Variants in TULP4 observed in about 807,000 individuals in gnomAD.
TULP4 encodes the protein TUB like protein 4.
A neutral mutation model predicts 129.0 loss-of-function variants in TULP4; 16 were observed. The observed-to-expected ratio is 0.12, with a 90% CI of 0.08 to 0.19. TULP4 has a LOEUF of 0.19. Ranked by LOEUF, TULP4 falls within the 10% of genes least tolerant of loss-of-function variation. The pLI, the probability that TULP4 is intolerant of heterozygous loss-of-function variation, is 1.00. For synonymous variants in TULP4, 998 were observed against 854.0 expected (o/e 1.17, Z -2.94); for missense variants, 1,842 against 2,059.1 (o/e 0.89, Z 2.04).
At chr6:158,429,439 C>A (rs1778578904) in intron 2 of TULP4, among the ~76,000 whole-genome samples, 2 of 152,094 alleles carry the variant, frequency 1.3e-5, no homozygotes, top group Admixed American at 1.3e-4. Flanking sequence ...TTACCCGGCC[C>A]CGACTAATTC....
At chr6:158,433,347 A>G (rs1778673524) in intron 3 of TULP4, among the ~76,000 whole-genome samples, 2 of 152,218 alleles carry the variant, frequency 1.3e-5, no homozygotes, top group Admixed American at 1.3e-4. Context: ...CATATTCTTT[A>G]CTCTGAACCA....
rs773751024 is a variant in TULP4, at chr6:158,502,883, C to T, written c.3220C>T (p.Pro1074Ser). The change falls in exon 13 of 14, where the codon CCC (proline) becomes TCC (serine). Residue 1074 changes from proline (P) to serine (S), a missense_variant. Pro to Ser is a moderately conservative substitution (Grantham distance 74). Coordinates refer to ENST00000367097, the MANE Select transcript of TULP4 (RefSeq NM_020245.5). ...GTCCTCCTACAGCCTCCTGAGCCCA[C>T]CCGACAGCGCCCGCGACCGCACCGA... ...SQSSYSLLSPPDSARDRTDYV... is the reference protein window; with the variant it reads ...SQSSYSLLSPSDSARDRTDYV... 5 of 1,613,834 alleles carry T rather than the reference C, an allele frequency of 3.1e-6. No homozygotes were observed. The Admixed American group carries it at 8.3e-5, about 27-fold the overall frequency.
chr6:158,335,458 A>AC lies in TULP4; in HGVS notation c.252+21190_252+21191insC, dbSNP rs1554281292. 1.3e-3 allele frequency among the ~76,000 whole-genome samples: 203 copies of AC among 152,102 alleles called. 4 individuals carry two copies. The highest frequency in any genetic ancestry group is 4.4e-3 in the African/African-American group (184 of 41,458). On this transcript the variant is annotated intron_variant, in intron 1 of 13. Coordinates refer to ENST00000367097, the MANE Select transcript of TULP4 (RefSeq NM_020245.5). ...TTTTGATCTTTTCCTCTTCATTCTT[A>AC]TGATTTTATGTTTTGAATATATAGA...
chr6:158,268,555 T>A (rs763356069), intron 1 of TULP4, among the ~76,000 whole-genome samples: 17 of 152,166 alleles, frequency 1.1e-4, no homozygotes, highest in Non-Finnish European at 2.1e-4. Context: ...AGTGGACTTG[T>A]TGTCTGGTGA....
chr6:158,241,161 G>A (rs1350935955), intron 1 of TULP4, among the ~76,000 whole-genome samples: 31 of 136,136 alleles, frequency 2.3e-4, no homozygotes, highest in Middle Eastern at 3.6e-3. Flanking sequence ...CGGCCGGGCA[G>A]AGACGCTCCT....
At chr6:158,404,401 T>C (rs541985514) in intron 1 of TULP4, among the ~76,000 whole-genome samples, 1 of 152,340 alleles carries the variant, frequency 6.6e-6, no homozygotes, top group Admixed American at 6.5e-5. Flanking sequence ...TGGTGTATGT[T>C]ACATTTTTTC....
chr6:158,272,334 T>C (rs1004433006), intron 1 of TULP4, among the ~76,000 whole-genome samples: 1 of 152,208 alleles, frequency 6.6e-6, no homozygotes, highest in African/African-American at 2.4e-5. Context: ...ATCTTATTAC[T>C]AGCCAAGAAT....
chr6:158,449,280 C>T (rs1215573666), intron 4 of TULP4, 104 bp downstream of exon 4: 26 of 1,218,508 alleles, frequency 2.1e-5, no homozygotes, highest in Non-Finnish European at 2.9e-5. Flanking sequence ...GGCCGCCACA[C>T]CTACGGCACC....
At chr6:158,491,734 G>A (rs1336841873) in intron 9 of TULP4, among the ~76,000 whole-genome samples, 1 of 151,734 alleles carries the variant, frequency 6.6e-6, no homozygotes, top group Non-Finnish European at 1.5e-5. Flanking sequence ...CTCATGATCC[G>A]CCTACCTCGG....
intron 1 of TULP4, among the ~76,000 whole-genome samples, chr6:158,251,661 A>C (rs1430270677): frequency 2.0e-5 from 3 of 152,198 alleles, no homozygotes; most frequent in Non-Finnish European, 4.4e-5. Flanking sequence ...GAGTCTCTCT[A>C]AAAATCCAGG....
intron 11 of TULP4, among the ~76,000 whole-genome samples, chr6:158,495,230 T>C (rs1372428462): frequency 6.6e-6 from 1 of 152,118 alleles, no homozygotes; most frequent in Non-Finnish European, 1.5e-5. Context: ...TTTTTGTATT[T>C]TTTGTAGAGA....
At chr6:158,305,238 C>T (rs1247502463) in intron 1 of TULP4, among the ~76,000 whole-genome samples, 2 of 151,876 alleles carry the variant, frequency 1.3e-5, no homozygotes, top group African/African-American at 2.4e-5. Flanking sequence ...TTTCACCTAG[C>T]ATAATGTCCT....
At chr6:158,244,469 G>A (rs2128448317) in intron 1 of TULP4, among the ~76,000 whole-genome samples, 1 of 152,260 alleles carries the variant, frequency 6.6e-6, no homozygotes, top group Non-Finnish European at 1.5e-5. Context: ...ATTTGGAAGT[G>A]GGGTCTGTAG....
chr6:158,330,482 A>G (rs762769233), intron 1 of TULP4, among the ~76,000 whole-genome samples: 1 of 151,720 alleles, frequency 6.6e-6, no homozygotes, highest in Non-Finnish European at 1.5e-5. Flanking sequence ...GCACGCATAC[A>G]CTCTCTCTCT....
At chr6:158,338,853 T>C (rs1402027614) in intron 1 of TULP4, among the ~76,000 whole-genome samples, 1 of 152,210 alleles carries the variant, frequency 6.6e-6, no homozygotes, top group South Asian at 2.1e-4. Context: ...TTGACAAATA[T>C]TCTCTCTGGC....
intron 8 of TULP4, chr6:158,481,502 T>C (rs1779944438): frequency 1.7e-6 from 1 of 603,392 alleles, no homozygotes; most frequent in Non-Finnish European, 3.0e-6. Flanking sequence ...TCATATTCCA[T>C]GGGCAGTGGA....
At chr6:158,375,752 T>TG (rs1777171356) in intron 1 of TULP4, among the ~76,000 whole-genome samples, 1 of 152,246 alleles carries the variant, frequency 6.6e-6, no homozygotes, top group Non-Finnish European at 1.5e-5. Flanking sequence ...TGACCTTGGA[T>TG]GGTGTTTGGA....
chr6:158,442,516 C>T (rs1473118663), intron 3 of TULP4, among the ~76,000 whole-genome samples: 2 of 151,904 alleles, frequency 1.3e-5, no homozygotes, highest in Admixed American at 6.6e-5. Context: ...GCATCACTCG[C>T]GGTCTTCTGA....
chr6:158,345,522 T>C lies in TULP4; in HGVS notation c.252+31254T>C, dbSNP rs554042300. Among the ~76,000 whole-genome samples the C allele has an allele frequency of 1.6e-4, 25 of 152,252 alleles. 1 individual carries two copies. In the South Asian group the frequency reaches 2.7e-3, roughly 16 times the overall value. On this transcript the variant is annotated intron_variant, in intron 1 of 13. Coordinates refer to ENST00000367097, the MANE Select transcript of TULP4 (RefSeq NM_020245.5). ...GGGCCGCCAGGCGTGACATCACATA[T>C]CGGTAGGACCGTGATGCCCACCTGA...
Sources: allele counts gnomAD v4.1 joint callset (sites outside exome capture counted in the v4.1 genomes callset), GRCh38; gene constraint gnomAD v4.1.1; transcripts MANE v1.5; gene names NCBI Gene and HGNC (gene_info 2026-07-23, HGNC 2026-07-21).